Variants in KDM4C observed in about 807,000 individuals in gnomAD.
The protein encoded by KDM4C is lysine demethylase 4C, also known as lysine-specific demethylase 4C.
In KDM4C, 81 loss-of-function variants were observed where a neutral mutation model predicts 129.3. That is an observed-to-expected ratio of 0.63 (90% confidence interval 0.52 to 0.75). The LOEUF is 0.75. Among genes scored for constraint, KDM4C ranks in the 30% least tolerant of loss-of-function variants. KDM4C has a pLI of 0.00. For synonymous variants in KDM4C, 573 were observed against 456.1 expected, an observed-to-expected ratio of 1.26 and a Z score of -3.26; for missense variants, 1,457 against 1,304.0, an observed-to-expected ratio of 1.12 and a Z score of -1.81.
chr9:7,097,670 G>C lies in KDM4C; in HGVS notation c.2425-6015G>C, dbSNP rs188283462. ...CCAGGTCAGGCTCACATGCTGCCTCGCCTTGCCCTGCCAGTCCAATCGTCT... is the reference window on the plus strand; with the variant it reads ...CCAGGTCAGGCTCACATGCTGCCTCCCCTTGCCCTGCCAGTCCAATCGTCT... On this transcript the variant is annotated intron_variant, in intron 17 of 21. Transcript: ENST00000381309. 2.7e-3 allele frequency among the ~76,000 whole-genome samples: 411 copies of C among 152,226 alleles called. 1 individual carries two copies. The highest frequency in any genetic ancestry group is 4.6e-3 in the Non-Finnish European group (313 of 68,018).
chr9:7,115,694 G>T (rs1838820965), intron 18 of KDM4C, among the ~76,000 whole-genome samples: 1 of 152,130 alleles, frequency 6.6e-6, no homozygotes, highest in Admixed American at 6.5e-5. Context: ...CTAACTAAAA[G>T]GCTACTCTCC....
chr9:6,835,333 G>A (rs1182179457), intron 4 of KDM4C: 20 of 973,516 alleles, frequency 2.1e-5, no homozygotes, highest in African/African-American at 4.8e-5. Context: ...AGACCTTTAC[G>A]CCAACACATT....
chr9:7,164,845 A>G (rs978361016), intron 19 of KDM4C, among the ~76,000 whole-genome samples: 3 of 152,242 alleles, frequency 2.0e-5, no homozygotes, highest in African/African-American at 7.2e-5. Flanking sequence ...ATAAGATCAC[A>G]TGAGATGTAT....
intron 8 of KDM4C, among the ~76,000 whole-genome samples, chr9:6,926,304 G>T (rs1220352258): frequency 8.0e-6 from 1 of 124,952 alleles, no homozygotes; most frequent in Non-Finnish European, 1.6e-5. Context: ...TTTGTGAATA[G>T]AAACAAGTGG....
chr9:7,067,961 A>G (rs185381930), intron 17 of KDM4C, among the ~76,000 whole-genome samples: 2 of 152,160 alleles, frequency 1.3e-5, no homozygotes, highest in East Asian at 3.9e-4. Context: ...ACGCATGGCT[A>G]ATTTTTTTGT....
At chr9:6,932,958 T>C (rs1315604811) in intron 8 of KDM4C, among the ~76,000 whole-genome samples, 5 of 152,228 alleles carry the variant, frequency 3.3e-5, no homozygotes, top group Non-Finnish European at 7.3e-5. Flanking sequence ...TTTTCCTCTT[T>C]GGTGTAGAGC....
At chr9:7,116,741 C>T (rs1838939032) in intron 18 of KDM4C, among the ~76,000 whole-genome samples, 1 of 152,178 alleles carries the variant, frequency 6.6e-6, no homozygotes, top group African/African-American at 2.4e-5. Flanking sequence ...TGGCTGACTT[C>T]CCTTTCACCG....
In KDM4C at chr9:7,011,785, C is replaced by T; in HGVS notation, c.1874C>T (p.Ser625Phe). ...KPLIHLWQTK[S>F]PNFAAEQEYN... Reference sequence around the variant, plus strand: ...CTCATCCACCTTTGGCAGACGAAGTCCCCTAACTTCGCAGCTGAGCAAGAG... The same window carrying T: ...CTCATCCACCTTTGGCAGACGAAGTTCCCTAACTTCGCAGCTGAGCAAGAG... Residue 625 changes from serine (S) to phenylalanine (F), a missense_variant, in exon 13 of 22, where the codon TCC (serine) becomes TTC (phenylalanine). Transcript: ENST00000381309. 2 of 1,613,990 alleles carry T rather than the reference C, an allele frequency of 1.2e-6. No homozygotes were observed. The highest frequency in any genetic ancestry group is 1.7e-5 in the Admixed American group (1 of 60,014).
chr9:7,124,011 G>A (rs573443480), intron 18 of KDM4C, among the ~76,000 whole-genome samples: 2 of 152,286 alleles, frequency 1.3e-5, no homozygotes, highest in Non-Finnish European at 1.5e-5. Context: ...AGATGAAGCC[G>A]GTTAGGATTT....
In KDM4C at chr9:7,169,835, G is replaced by C. The variant is rs775766417; in HGVS notation, c.2939G>C (p.Arg980Thr). The part of the protein sequence containing the change: ...FEDGSQIAMK[R>T]EDIYTLDEEL... ...GATGGATCCCAGATAGCAATGAAGA[G>C]AGAGGACATCTACACTTTAGATGAA... The change falls in exon 21 of 22, where the codon AGA becomes ACA. Residue 980 changes from arginine (R) to threonine (T), a missense_variant. Physicochemically the swap from Arg to Thr is moderately conservative, Grantham distance 71 (BLOSUM62 -1). Transcript: ENST00000381309. 2.5e-5 allele frequency: 41 copies of C among 1,611,772 alleles called. No homozygotes were observed. Among genetic ancestry groups the C allele is most frequent in the Non-Finnish European group, 3.3e-5 (39 of 1,178,444 alleles).
chr9:6,881,035 T>G (rs1844369365), intron 6 of KDM4C, among the ~76,000 whole-genome samples: 1 of 152,208 alleles, frequency 6.6e-6, no homozygotes. Context: ...GCTCTTTTAG[T>G]CCAGTGCAGA....
chr9:7,037,314 T>C (rs906353997), intron 15 of KDM4C, among the ~76,000 whole-genome samples: 2 of 152,176 alleles, frequency 1.3e-5, no homozygotes, highest in Non-Finnish European at 2.9e-5. Context: ...AAATGAGAGC[T>C]TCCTACAATG....
chr9:6,804,705 G>A (rs1333930016), intron 2 of KDM4C, among the ~76,000 whole-genome samples: 1 of 150,848 alleles, frequency 6.6e-6, no homozygotes, highest in Non-Finnish European at 1.5e-5. Flanking sequence ...GTTGCAGTGA[G>A]CTGAGATCGT....
chr9:6,752,332 C>CAAAA (rs1159747148), intron 1 of KDM4C, among the ~76,000 whole-genome samples: 917 of 19,262 alleles, frequency 0.048, 82 homozygotes, highest in East Asian at 0.098. Context: ...AACTCCGTCT[C>CAAAA]AAAAAAAAAA....
At chr9:6,812,558 A>G (rs575939458) in intron 3 of KDM4C, among the ~76,000 whole-genome samples, 26 of 152,286 alleles carry the variant, frequency 1.7e-4, no homozygotes, top group African/African-American at 6.0e-4. Context: ...TAGACCCCTC[A>G]CATGCACAGT....
chr9:7,080,787 G>A lies in KDM4C; in HGVS notation c.2425-22898G>A, dbSNP rs563190272. Among the ~76,000 whole-genome samples the A allele has an allele frequency of 2.6e-5, 4 of 152,284 alleles. No individual in the cohort carries two copies. In the East Asian group the frequency reaches 5.8e-4, roughly 22 times the overall value. On this transcript the variant is annotated intron_variant, in intron 17 of 21. Transcript: ENST00000381309. ...CTATTTCACCTTAAAGTTAAAAACAGTACAACCCCATAAATCTCAACTTTA... is the reference window on the plus strand; with the variant it reads ...CTATTTCACCTTAAAGTTAAAAACAATACAACCCCATAAATCTCAACTTTA...
chr9:7,048,198 C>T (rs1829679801), intron 16 of KDM4C, among the ~76,000 whole-genome samples: 1 of 151,942 alleles, frequency 6.6e-6, no homozygotes, highest in Admixed American at 6.6e-5. Context: ...CGTTCTCTTC[C>T]TATGCTTGGA....
chr9:7,152,820 T>G (rs1306714158), intron 19 of KDM4C, among the ~76,000 whole-genome samples: 3 of 152,126 alleles, frequency 2.0e-5, no homozygotes, highest in Non-Finnish European at 2.9e-5. Context: ...TAGAGACAGA[T>G]CAGCTGTATT....
At chr9:6,860,385 T>G (rs146947912) in intron 5 of KDM4C, among the ~76,000 whole-genome samples, 287 of 152,294 alleles carry the variant, frequency 1.9e-3, no homozygotes, top group Non-Finnish European at 3.1e-3. Flanking sequence ...TAGTTGGTGA[T>G]TTTTAATTAG....
Sources: allele counts gnomAD v4.1 joint callset (sites outside exome capture counted in the v4.1 genomes callset), GRCh38; gene constraint gnomAD v4.1.1; transcripts MANE v1.5; gene names NCBI Gene and HGNC (gene_info 2026-07-23, HGNC 2026-07-21).